GNA13: variants seen among roughly 807,000 people sequenced by gnomAD.
GNA13 encodes the protein guanine nucleotide-binding protein subunit alpha-13.
In GNA13, 4 loss-of-function variants were observed where a neutral mutation model predicts 33.5. The ratio of observed to expected loss-of-function variants is 0.12; its 90% CI spans 0.06 to 0.27. The LOEUF (loss-of-function observed/expected upper bound fraction) is 0.27. Ranked by LOEUF, GNA13 falls within the 10% of genes least tolerant of loss-of-function variation. The pLI, the probability that GNA13 is intolerant of heterozygous loss-of-function variation, is 1.00. For synonymous variants in GNA13, 176 were observed against 183.8 expected (o/e 0.96, Z 0.34); for missense variants, 319 against 487.2 (o/e 0.65, Z 3.25).
rs905108532 is a variant in GNA13 at position 65,013,403 on chromosome 17, G to C, written c.*854C>G. 4.8e-6 allele frequency: 1 copy of C among 210,118 alleles called. No individual in the cohort carries two copies. The highest frequency in any genetic ancestry group is 2.3e-5 in the African/African-American group (1 of 44,112). The allele number at this position is 210,118 out of a possible 1,614,324, so 13.0% of individuals were successfully genotyped here. A position where few individuals can be genotyped will look rare whatever the true frequency, so the allele number is the denominator to read the frequency against. Reference sequence around the variant, plus strand: ...GTCAAATACATGACATTCTGGAACAGGTTAAGTTTATTTAGAAAGTTCTGT... The same window carrying C: ...GTCAAATACATGACATTCTGGAACACGTTAAGTTTATTTAGAAAGTTCTGT... On this transcript the variant is annotated 3_prime_UTR_variant, in exon 4 of 4. Coordinates refer to ENST00000439174, the MANE Select transcript of GNA13 (RefSeq NM_006572.6).
chr17:65,011,997 T>C lies in GNA13; in HGVS notation c.*2260A>G, dbSNP rs1384756107. 2.6e-5 allele frequency: 6 copies of C among 227,700 alleles called. No homozygotes were observed. The highest frequency in any genetic ancestry group is 1.8e-4 in the South Asian group (1 of 5,490). 14.1% of individuals were successfully genotyped at this position (227,700 alleles called of 1,614,324 possible). ...TGTCAAAACAAGCCTAAGTTGAATA[T>C]AAGTAATTCATTGCCTCAAAATATA... On this transcript the variant is annotated 3_prime_UTR_variant, in exon 4 of 4. Transcript: ENST00000439174.
At chr17:65,033,324 A>C (rs1285309193) in intron 2 of GNA13, among the ~76,000 whole-genome samples, 1 of 151,720 alleles carries the variant, frequency 6.6e-6, no homozygotes, top group Non-Finnish European at 1.5e-5. Context: ...ATCTCTAAAA[A>C]AAAAAGAAGA....
chr17:65,012,753 A>G lies in GNA13; in HGVS notation c.*1504T>C, dbSNP rs1906238926. On this transcript the variant is annotated 3_prime_UTR_variant, in exon 4 of 4. Coordinates refer to ENST00000439174, the MANE Select transcript of GNA13 (RefSeq NM_006572.6). ...AAGGACCAATAAAATACCTGAGTAC[A>G]CAGTCAGCTATACAGTAAAATGACA... The G allele has an allele frequency of 4.5e-6, 1 of 223,286 alleles. No homozygotes were observed. The highest frequency in any genetic ancestry group is 8.9e-6 in the Non-Finnish European group (1 of 111,782). The allele number at this position is 223,286 out of a possible 1,614,324, so 13.8% of individuals were successfully genotyped here.
rs114591136 is a variant in GNA13 at position 65,013,361 on chromosome 17, T to A, written c.*896A>T. On this transcript the variant is annotated 3_prime_UTR_variant, in exon 4 of 4. Transcript: ENST00000439174. ...TAAGGATTGGTCTTTACTGACCAAC[T>A]GAGATAGGGCTTAAAAGTCAAATAC... 1,700 of 210,068 alleles carry A rather than the reference T, an allele frequency of 8.1e-3. 35 individuals are homozygous for A. The highest frequency in any genetic ancestry group is 0.035 in the African/African-American group (1,562 of 44,218). The allele number at this position is 210,068 out of a possible 1,614,324, so 13.0% of individuals were successfully genotyped here. A position where few individuals can be genotyped will look rare whatever the true frequency, so the allele number is the denominator to read the frequency against.
intron 2 of GNA13, among the ~76,000 whole-genome samples, chr17:65,036,675 C>A (rs1006708856): frequency 6.6e-6 from 1 of 152,188 alleles, no homozygotes; most frequent in Non-Finnish European, 1.5e-5. Context: ...CACTGCACTC[C>A]AGCCTGGGTG....
intron 2 of GNA13, among the ~76,000 whole-genome samples, chr17:65,039,723 A>G (rs1030611383): frequency 2.0e-5 from 3 of 152,128 alleles, no homozygotes; most frequent in East Asian, 1.9e-4. Context: ...GTGTAATTAC[A>G]TATTTGTTTG....
At chr17:65,028,118 C>T (rs1391151204) in intron 2 of GNA13, among the ~76,000 whole-genome samples, 4 of 152,106 alleles carry the variant, frequency 2.6e-5, no homozygotes, top group Admixed American at 6.5e-5. Flanking sequence ...CCCAGCTACT[C>T]GGGAGGCTGA....
intron 3 of GNA13, among the ~76,000 whole-genome samples, 171 bp downstream of exon 3, chr17:65,018,082 A>G (rs1240622456): frequency 6.9e-6 from 1 of 144,084 alleles, no homozygotes; most frequent in Non-Finnish European, 1.5e-5. Flanking sequence ...AAGAATCAGA[A>G]CGCCACCACT....
In GNA13 at chr17:65,010,490, C is replaced by T. The variant is rs1391645025; in HGVS notation, c.*3767G>A. On this transcript the variant is annotated 3_prime_UTR_variant, in exon 4 of 4. Coordinates refer to ENST00000439174, the MANE Select transcript of GNA13 (RefSeq NM_006572.6). ...CTAGACTGAAAAGCCACCCTGTATC[C>T]TATCATTAAAAAACAAAACAAAACA... is the stretch of plus-strand genomic sequence containing the variant. Among the ~76,000 whole-genome samples, 1 of 151,956 alleles carries T rather than the reference C, an allele frequency of 6.6e-6. No homozygotes were observed. The highest frequency in any genetic ancestry group is 2.4e-5 in the African/African-American group (1 of 41,330).
At chr17:65,041,044 C>T (rs966104169) in intron 2 of GNA13, among the ~76,000 whole-genome samples, 2 of 152,162 alleles carry the variant, frequency 1.3e-5, no homozygotes, top group Non-Finnish European at 2.9e-5. Flanking sequence ...ATAAAAATCA[C>T]ATGATGATAT....
intron 1 of GNA13, among the ~76,000 whole-genome samples, chr17:65,054,993 C>A (rs1332307830): frequency 1.3e-5 from 2 of 151,046 alleles, no homozygotes; most frequent in Non-Finnish European, 2.9e-5. Flanking sequence ...TAATTCATTA[C>A]TCCATAATGC....
intron 1 of GNA13, among the ~76,000 whole-genome samples, chr17:65,054,294 T>C (rs554359316): frequency 1.3e-5 from 2 of 152,338 alleles, no homozygotes; most frequent in South Asian, 4.1e-4. Context: ...TGGCCTTCAA[T>C]TTCCCTAAAA....
intron 2 of GNA13, among the ~76,000 whole-genome samples, chr17:65,018,890 A>T (rs1906479150): frequency 6.6e-6 from 1 of 152,186 alleles, no homozygotes; most frequent in Non-Finnish European, 1.5e-5. Context: ...TTTCTCGACG[A>T]AACTTCCAAG....
At chr17:65,022,776 C>T (rs955089801) in intron 2 of GNA13, among the ~76,000 whole-genome samples, 1 of 152,166 alleles carries the variant, frequency 6.6e-6, no homozygotes, top group Non-Finnish European at 1.5e-5. Context: ...GCAAGGAATG[C>T]CATTTACCAA....
At chr17:65,048,069 T>G (rs1907730216) in intron 2 of GNA13, among the ~76,000 whole-genome samples, 1 of 152,182 alleles carries the variant, frequency 6.6e-6, no homozygotes. Flanking sequence ...TTTCAGGAAT[T>G]GCAAAGACAG....
chr17:65,020,526 G>A (rs993224621), intron 2 of GNA13, among the ~76,000 whole-genome samples: 2 of 152,090 alleles, frequency 1.3e-5, no homozygotes, highest in Non-Finnish European at 2.9e-5. Flanking sequence ...TTGCTTCCAC[G>A]TTCTTTGCTA....
Position 65,047,073 on chromosome 17 carries a change from C to T in GNA13, c.510+6429G>A, listed in dbSNP as rs150816171. 2.4e-4 allele frequency among the ~76,000 whole-genome samples: 37 copies of T among 151,952 alleles called. No individual in the cohort carries two copies. The East Asian group carries it at 6.2e-3, about 25-fold the overall frequency. On this transcript the variant is annotated intron_variant, in intron 2 of 3. Coordinates refer to ENST00000439174, the MANE Select transcript of GNA13 (RefSeq NM_006572.6). ...ATAAGTGTAAACTTAAAGGAACTGA[C>T]GGAAATTTTAAAAAAGAAATTAATT...
intron 2 of GNA13, among the ~76,000 whole-genome samples, chr17:65,032,612 G>C (rs1254742511): frequency 2.0e-5 from 3 of 152,094 alleles, no homozygotes; most frequent in African/African-American, 7.2e-5. Context: ...CAGTCCAAAG[G>C]CTGGCTTTAC....
rs980466424 is a variant in GNA13 at position 65,013,650 on chromosome 17, C to G, written c.*607G>C. On this transcript the variant is annotated 3_prime_UTR_variant, in exon 4 of 4. Transcript: ENST00000439174. ...AAAGATCCTTATGTAAACTTGAAAA[C>G]AGGAAGAACATTACCTTCAGAAACA... 6 of 215,042 alleles carry G rather than the reference C, an allele frequency of 2.8e-5. No homozygotes were observed. The highest frequency in any genetic ancestry group is 1.4e-4 in the African/African-American group (6 of 44,296). 13.3% of individuals were successfully genotyped at this position (215,042 alleles called of 1,614,324 possible). A position where few individuals can be genotyped will look rare whatever the true frequency, so the allele number is the denominator to read the frequency against.
Sources: gnomAD v4.1 joint callset for allele counts (sites outside exome capture counted in the v4.1 genomes callset) on GRCh38, gnomAD v4.1.1 for gene constraint, MANE v1.5 for transcripts, NCBI Gene and HGNC (gene_info 2026-07-23, HGNC 2026-07-21) for gene names.